Variants in SLC24A2 observed in about 807,000 individuals in gnomAD.
The protein encoded by SLC24A2 is sodium/potassium/calcium exchanger 2.
Under a neutral mutation model 62.0 loss-of-function variants are expected in SLC24A2, and 36 were observed. The ratio of observed to expected loss-of-function variants is 0.58; its 90% confidence interval spans 0.44 to 0.77. SLC24A2 has a LOEUF of 0.77. Among genes scored for constraint, SLC24A2 ranks in the 30% least tolerant of loss-of-function variants. The probability of loss-of-function intolerance (pLI) is 0.00; values close to 1 mark genes in which losing one functional copy is unlikely to be tolerated. For missense variants in SLC24A2, 846 were observed against 817.9 expected (o/e 1.03, Z -0.42); for synonymous variants, 358 against 294.0 (o/e 1.22, Z -2.23).
At chr9:19,747,203 C>T (rs1299449133) in intron 2 of SLC24A2, among the ~76,000 whole-genome samples, 1 of 152,086 alleles carries the variant, frequency 6.6e-6, no homozygotes. Context: ...ATGTCAAGCC[C>T]TCTGTGTTCC....
the SLC24A2 span, among the ~76,000 whole-genome samples, chr9:19,989,800 T>A: frequency 9.5e-3 from 1,444 of 152,324 alleles, 29 homozygotes; most frequent in African/African-American, 0.034. Context: ...TACAGAAAAG[T>A]GCATGGGCTT....
chr9:19,667,888 T>C (rs938137809), intron 2 of SLC24A2, among the ~76,000 whole-genome samples: 2 of 152,220 alleles, frequency 1.3e-5, no homozygotes, highest in Non-Finnish European at 2.9e-5. Context: ...AACCCGCTGC[T>C]AGTTCTGATA....
chr9:20,009,366 C>T, the SLC24A2 span, among the ~76,000 whole-genome samples: 1 of 137,050 alleles, frequency 7.3e-6, no homozygotes, highest in African/African-American at 2.8e-5. Flanking sequence ...GCCTGGGTGA[C>T]AGACTGAACT....
intron 7 of SLC24A2, among the ~76,000 whole-genome samples, chr9:19,555,260 A>G (rs1198117748): frequency 1.3e-5 from 2 of 152,178 alleles, no homozygotes; most frequent in Non-Finnish European, 2.9e-5. Context: ...TGTTCTCTTT[A>G]TGAGGACTCA....
chr9:19,775,644 TG>T (rs1415688306), intron 2 of SLC24A2, among the ~76,000 whole-genome samples: 1 of 144,874 alleles, frequency 6.9e-6, no homozygotes, highest in Non-Finnish European at 1.6e-5. Context: ...ATCATGGCTC[TG>T]AAATGCTAAA....
the SLC24A2 span, among the ~76,000 whole-genome samples, chr9:20,009,380 T>C: frequency 1.0e-5 from 1 of 96,150 alleles, no homozygotes; most frequent in African/African-American, 4.4e-5. Flanking sequence ...CTGAACTCTG[T>C]CTCAAAAAAA....
the SLC24A2 span, among the ~76,000 whole-genome samples, chr9:19,955,674 G>A: frequency 6.6e-6 from 1 of 151,998 alleles, no homozygotes; most frequent in Non-Finnish European, 1.5e-5. Flanking sequence ...AGCATATAAA[G>A]GTATGGGTCT....
At chr9:19,895,700 G>C in the SLC24A2 span, 4 of 1,034,348 alleles carry the variant, frequency 3.9e-6, no homozygotes, top group East Asian at 2.6e-5. Context: ...CTGTTCATTG[G>C]GTGGCTCTAG....
upstream of SLC24A2, among the ~76,000 whole-genome samples, chr9:19,792,653 A>G (rs979315820): frequency 2.0e-5 from 3 of 151,642 alleles, no homozygotes; most frequent in African/African-American, 7.3e-5. Context: ...GGGTGCAGTG[A>G]GCCGAGACGG....
At chr9:20,110,632 T>C in the SLC24A2 span, among the ~76,000 whole-genome samples, 1 of 152,158 alleles carries the variant, frequency 6.6e-6, no homozygotes, top group African/African-American at 2.4e-5. Context: ...GGCTAAAAAG[T>C]ACCTATTGTT....
intron 4 of SLC24A2, among the ~76,000 whole-genome samples, chr9:19,615,064 T>C (rs1470195653): frequency 6.6e-6 from 1 of 152,224 alleles, no homozygotes; most frequent in African/African-American, 2.4e-5. Context: ...TGCTGGACTC[T>C]TGTGACTCAG....
At chr9:20,154,861 G>T in the SLC24A2 span, among the ~76,000 whole-genome samples, 1 of 151,632 alleles carries the variant, frequency 6.6e-6, no homozygotes, top group Admixed American at 6.6e-5. Context: ...CATAACCCAA[G>T]ATGGCTGTAG....
upstream of SLC24A2, among the ~76,000 whole-genome samples, chr9:19,792,230 A>T (rs1823327202): frequency 6.6e-6 from 1 of 152,212 alleles, no homozygotes; most frequent in Non-Finnish European, 1.5e-5. Flanking sequence ...TTCCACCATT[A>T]GAAATTCATT....
the SLC24A2 span, among the ~76,000 whole-genome samples, chr9:20,032,797 C>T: frequency 6.6e-6 from 1 of 151,996 alleles, no homozygotes; most frequent in Middle Eastern, 3.2e-3. Context: ...AAGGACCCAA[C>T]CCAGGGAGGA....
At chr9:19,583,563 T>C (rs1836268716) in intron 5 of SLC24A2, among the ~76,000 whole-genome samples, 1 of 152,124 alleles carries the variant, frequency 6.6e-6, no homozygotes, top group Non-Finnish European at 1.5e-5. Flanking sequence ...TGTTCATGGT[T>C]TCTAGGCAAG....
the SLC24A2 span, among the ~76,000 whole-genome samples, chr9:19,852,489 T>C: frequency 6.6e-6 from 1 of 152,208 alleles, no homozygotes; most frequent in South Asian, 2.1e-4. Context: ...CTTGAGTTAT[T>C]TTTTATATAA....
At chr9:19,735,471 T>C (rs1363457107) in intron 2 of SLC24A2, among the ~76,000 whole-genome samples, 1 of 152,042 alleles carries the variant, frequency 6.6e-6, no homozygotes, top group Non-Finnish European at 1.5e-5. Flanking sequence ...GATCTAGAAC[T>C]AGAAATACCA....
At chr9:19,567,622 G>A (rs1490127798) in intron 7 of SLC24A2, among the ~76,000 whole-genome samples, 3 of 145,588 alleles carry the variant, frequency 2.1e-5, no homozygotes, top group Admixed American at 7.0e-5. Flanking sequence ...AACTACAAAC[G>A]TCATAATGTG....
the SLC24A2 span, among the ~76,000 whole-genome samples, chr9:19,998,361 T>G: frequency 1.3e-5 from 2 of 152,154 alleles, no homozygotes; most frequent in East Asian, 3.9e-4. Flanking sequence ...CAGCAGTACT[T>G]CCTGAAGCCT....
Sources: gnomAD v4.1 joint callset for allele counts (sites outside exome capture counted in the v4.1 genomes callset) on GRCh38, gnomAD v4.1.1 for gene constraint, MANE v1.5 for transcripts, NCBI Gene and HGNC (gene_info 2026-07-23, HGNC 2026-07-21) for gene names.